PIWIL3: variants seen among roughly 807,000 people sequenced by gnomAD.
PIWIL3 encodes the protein piwi-like protein 3.
PIWIL3 carries 101 observed loss-of-function variants against 109.7 expected under a neutral mutation model. That is an observed-to-expected ratio of 0.92 (90% CI 0.78 to 1.09). The LOEUF is 1.09. Among genes scored for constraint, PIWIL3 ranks in the 50% least tolerant of loss-of-function variants. The probability of loss-of-function intolerance (pLI) is 0.00; values close to 1 mark genes in which losing one functional copy is unlikely to be tolerated. For synonymous variants in PIWIL3, 373 were observed against 376.4 expected, an observed-to-expected ratio of 0.99 and a Z score of 0.10; for missense variants, 1,031 against 1,072.6, an observed-to-expected ratio of 0.96 and a Z score of 0.54.
At chr22:24,730,176 C>T (rs577890530) in intron 14 of PIWIL3, among the ~76,000 whole-genome samples, 140 of 151,940 alleles carry the variant, frequency 9.2e-4, no homozygotes, top group African/African-American at 2.4e-3. Context: ...ACCAGCGTGG[C>T]CAATACGGTG....
intron 12 of PIWIL3, among the ~76,000 whole-genome samples, chr22:24,745,092 T>C (rs536124396): frequency 7.2e-5 from 11 of 152,312 alleles, no homozygotes; most frequent in African/African-American, 2.6e-4. Flanking sequence ...TACAAACACA[T>C]GGAAACTAAA....
intron 8 of PIWIL3, among the ~76,000 whole-genome samples, chr22:24,752,455 G>C (rs9624582): frequency 6.6e-6 from 1 of 151,966 alleles, no homozygotes; most frequent in African/African-American, 2.4e-5. Context: ...TATGTAAATG[G>C]CACACCTGGT....
At chr22:24,734,836 T>A (rs1238829934) in intron 13 of PIWIL3, among the ~76,000 whole-genome samples, 12 of 147,460 alleles carry the variant, frequency 8.1e-5, no homozygotes, top group Admixed American at 2.7e-4. Context: ...TTTTTTTTTT[T>A]AGAAAAAAAA....
chr22:24,737,647 G>T (rs138079602), intron 12 of PIWIL3, among the ~76,000 whole-genome samples: 44 of 152,284 alleles, frequency 2.9e-4, no homozygotes, highest in African/African-American at 1.1e-3. Context: ...GGCTTTTGGG[G>T]TCCCCAATCC....
intron 1 of PIWIL3, among the ~76,000 whole-genome samples, chr22:24,763,249 A>G (rs751728165): frequency 2.0e-5 from 3 of 151,664 alleles, no homozygotes; most frequent in Admixed American, 6.6e-5. Context: ...GGCTCAAGCA[A>G]TTCTCCTGCC....
chr22:24,760,268 G>A (rs1364645803), intron 2 of PIWIL3, among the ~76,000 whole-genome samples: 3 of 152,164 alleles, frequency 2.0e-5, no homozygotes, highest in Non-Finnish European at 2.9e-5. Context: ...GGGCAAAAGC[G>A]GGCCTCAGTG....
In PIWIL3 at chr22:24,724,997, TG is replaced by T; in HGVS notation, c.2120del (p.Pro707HisfsTer31). 1 of 1,614,168 alleles carries T rather than the reference TG, an allele frequency of 6.2e-7. No individual in the cohort carries two copies. The highest frequency in any genetic ancestry group is 8.5e-7 in the Non-Finnish European group (1 of 1,180,008). On this transcript the variant is annotated frameshift_variant, in exon 18 of 21. Coordinates refer to ENST00000616349, the MANE Select transcript of PIWIL3 (RefSeq NM_001255975.1). LOFTEE classifies it high-confidence loss of function. Reference protein sequence around the residue: ...DVWCKNESSMPHSVIVYRDGV... With the variant: ...DVWCKNESSMXHSVIVYRDGV... ...CATCCCGATACACAATAACAGAATG[TG>T]GCATCGATGATTCGTTTTTACACCA...
chr22:24,722,920 T>A (rs1399499238), intron 19 of PIWIL3, among the ~76,000 whole-genome samples: 3 of 152,144 alleles, frequency 2.0e-5, no homozygotes, highest in Non-Finnish European at 2.9e-5. Context: ...TTACAAAAGT[T>A]TGATGAAGAA....
intron 3 of PIWIL3, 113 bp downstream of exon 3, chr22:24,759,756 A>G (rs1474117901): frequency 4.1e-6 from 6 of 1,478,292 alleles, no homozygotes; most frequent in South Asian, 2.5e-5. Flanking sequence ...CACACTTCCC[A>G]TCCCACCAAA....
intron 12 of PIWIL3, among the ~76,000 whole-genome samples, chr22:24,746,566 C>T (rs1450904220): frequency 7.1e-6 from 1 of 140,212 alleles, no homozygotes; most frequent in Non-Finnish European, 1.6e-5. Context: ...CTAGAGTCAT[C>T]ATACAAAAGA....
At chr22:24,749,636 C>T (rs1924584619) in intron 10 of PIWIL3, 57 bp downstream of exon 10, 34 of 1,612,820 alleles carry the variant, frequency 2.1e-5, no homozygotes, top group Non-Finnish European at 2.8e-5. Context: ...CCCTGAAAAG[C>T]CTGCGTTAAG....
intron 12 of PIWIL3, among the ~76,000 whole-genome samples, chr22:24,738,130 G>A (rs549592362): frequency 1.3e-5 from 2 of 152,264 alleles, no homozygotes; most frequent in East Asian, 3.9e-4. Context: ...CAGCCTAGGC[G>A]ACAGAGCAAG....
chr22:24,751,629 T>C (rs150824234), intron 8 of PIWIL3, 131 bp from the exon 9 acceptor site: 2 of 1,431,442 alleles, frequency 1.4e-6, no homozygotes, highest in South Asian at 2.9e-5. Flanking sequence ...GTAATTCACA[T>C]ACTGTACAAC....
At chr22:24,742,370 T>C (rs1924057856) in intron 12 of PIWIL3, among the ~76,000 whole-genome samples, 1 of 143,278 alleles carries the variant, frequency 7.0e-6, no homozygotes, top group African/African-American at 2.5e-5. Context: ...ACCATCATCA[T>C]TCTTCATAGA....
chr22:24,768,521 GGA>G (rs778904414), intron 1 of PIWIL3, among the ~76,000 whole-genome samples: 4 of 152,082 alleles, frequency 2.6e-5, no homozygotes, highest in Non-Finnish European at 5.9e-5. Context: ...CAAAATGCTG[GGA>G]TTACAGGCGT....
chr22:24,749,883 G>A, intron 9 of PIWIL3, 64 bp from the exon 10 acceptor site: 5 of 1,610,984 alleles, frequency 3.1e-6, no homozygotes, highest in African/African-American at 1.3e-5. Flanking sequence ...ACACACAGAG[G>A]TTCAAAAGTG....
At chr22:24,746,824 A>T (rs1301705425) in intron 12 of PIWIL3, among the ~76,000 whole-genome samples, 2 of 152,100 alleles carry the variant, frequency 1.3e-5, no homozygotes, top group African/African-American at 4.8e-5. Context: ...GAAAACTATA[A>T]AACACTGATG....
intron 9 of PIWIL3, among the ~76,000 whole-genome samples, chr22:24,750,897 G>A (rs898435601): frequency 2.6e-5 from 4 of 151,260 alleles, no homozygotes; most frequent in African/African-American, 9.7e-5. Flanking sequence ...GCCAAGGCAG[G>A]CGGATCACCT....
At chr22:24,758,603 G>A (rs901079350) in intron 3 of PIWIL3, among the ~76,000 whole-genome samples, 1 of 152,160 alleles carries the variant, frequency 6.6e-6, no homozygotes, top group East Asian at 1.9e-4. Context: ...ATACGCACAC[G>A]TTATTGTAAA....
Sources: allele counts gnomAD v4.1 joint callset (sites outside exome capture counted in the v4.1 genomes callset), GRCh38; gene constraint gnomAD v4.1.1; transcripts MANE v1.5; gene names NCBI Gene and HGNC (gene_info 2026-07-23, HGNC 2026-07-21).